Variants in WWP1 observed in about 807,000 individuals in gnomAD.
WWP1 encodes WW domain containing E3 ubiquitin protein ligase 1.
WWP1 carries 49 observed loss-of-function variants against 130.6 expected under a neutral mutation model. That is an observed-to-expected ratio of 0.38 (90% confidence interval 0.30 to 0.48). The LOEUF (loss-of-function observed/expected upper bound fraction) is 0.48. WWP1 is among the 20% of genes least tolerant of loss of function. WWP1 has a pLI of 0.99. For synonymous variants in WWP1, 332 were observed against 367.8 expected, an observed-to-expected ratio of 0.90 and a Z score of 1.11; for missense variants, 809 against 1,100.6, an observed-to-expected ratio of 0.74 and a Z score of 3.75.
intron 1 of WWP1, among the ~76,000 whole-genome samples, chr8:86,357,718 G>T (rs1823343214): frequency 6.6e-6 from 1 of 152,136 alleles, no homozygotes. Flanking sequence ...TTTTGTGTTA[G>T]GCATCATGCA....
intron 18 of WWP1, among the ~76,000 whole-genome samples, chr8:86,445,332 G>C (rs1397345264): frequency 1.3e-5 from 2 of 152,014 alleles, no homozygotes; most frequent in African/African-American, 4.8e-5. Context: ...TTCAACCCTT[G>C]CCTTCCTCCC....
rs531303049 is a variant in WWP1 at position 86,409,028 on chromosome 8, T to TA, written c.725-2503dup. ...AATTAATTGGTTCTAATGGGGTTTT[T>TA]AAAAAAATTTTCTTGTGTATTCTAA... On this transcript the variant is annotated intron_variant, in intron 8 of 24. Coordinates refer to ENST00000517970, the MANE Select transcript of WWP1 (RefSeq NM_007013.4). 1.3e-3 allele frequency among the ~76,000 whole-genome samples: 204 copies of TA among 152,170 alleles called. 2 individuals carry two copies. The highest frequency in any genetic ancestry group is 4.7e-3 in the African/African-American group (196 of 41,532).
intron 3 of WWP1, among the ~76,000 whole-genome samples, chr8:86,377,088 A>AT (rs144271667): frequency 0.054 from 8,237 of 151,594 alleles, 315 homozygotes; most frequent in Non-Finnish European, 0.086. Flanking sequence ...CTCTGTATTG[A>AT]TTTTTTCTTT....
chr8:86,466,116 C>T (rs1286995546), intron 24 of WWP1, among the ~76,000 whole-genome samples: 1 of 152,198 alleles, frequency 6.6e-6, no homozygotes, highest in South Asian at 2.1e-4. Context: ...AATCTAGCTA[C>T]TCAGTGCTGT....
chr8:86,380,885 A>T (rs1159639248), intron 4 of WWP1, 21 bp downstream of exon 4: 4 of 1,557,728 alleles, frequency 2.6e-6, no homozygotes, highest in Non-Finnish European at 3.5e-6. Context: ...TGTGTAAAGG[A>T]CGGAAAATCT....
chr8:86,458,339 G>T (rs1811570402), intron 22 of WWP1, among the ~76,000 whole-genome samples: 1 of 152,160 alleles, frequency 6.6e-6, no homozygotes, highest in Non-Finnish European at 1.5e-5. Context: ...AATTCTAGAA[G>T]TAAATGAGGA....
intron 21 of WWP1, among the ~76,000 whole-genome samples, chr8:86,456,325 C>G (rs1480764822): frequency 6.6e-6 from 1 of 151,856 alleles, no homozygotes; most frequent in African/African-American, 2.4e-5. Flanking sequence ...AAAAAGCAAC[C>G]TACACCCTGG....
At chr8:86,389,136 A>G (rs1385149378) in intron 5 of WWP1, among the ~76,000 whole-genome samples, 3 of 152,024 alleles carry the variant, frequency 2.0e-5, no homozygotes, top group Admixed American at 1.3e-4. Context: ...CATACAAAAC[A>G]TATAAAGAAT....
chr8:86,452,779 A>C (rs1218955797), intron 21 of WWP1, 100 bp downstream of exon 21: 1 of 1,440,658 alleles, frequency 6.9e-7, no homozygotes, highest in Non-Finnish European at 9.5e-7. Context: ...AAAATCCTGT[A>C]GCACAATCTT....
intron 8 of WWP1, among the ~76,000 whole-genome samples, chr8:86,410,891 A>G (rs1808545241): frequency 6.6e-6 from 1 of 152,032 alleles, no homozygotes; most frequent in Non-Finnish European, 1.5e-5. Flanking sequence ...ACTTTGATAT[A>G]TGGTCTTCCA....
chr8:86,371,864 C>G (rs1474176073), intron 2 of WWP1, among the ~76,000 whole-genome samples: 1 of 151,794 alleles, frequency 6.6e-6, no homozygotes, highest in Non-Finnish European at 1.5e-5. Flanking sequence ...TTTTTTGAAT[C>G]AGGGTCTTGC....
At chr8:86,383,337 C>T (rs113017464) in intron 5 of WWP1, among the ~76,000 whole-genome samples, 25 of 152,318 alleles carry the variant, frequency 1.6e-4, no homozygotes, top group African/African-American at 5.5e-4. Flanking sequence ...ATGTTAGACT[C>T]TACTGAACCT....
intron 22 of WWP1, among the ~76,000 whole-genome samples, chr8:86,459,151 C>A (rs1269069931): frequency 6.6e-6 from 1 of 151,192 alleles, no homozygotes; most frequent in Non-Finnish European, 1.5e-5. Flanking sequence ...CGCCTCAGCA[C>A]CCCCACTCCA....
intron 1 of WWP1, among the ~76,000 whole-genome samples, chr8:86,359,431 A>G (rs28504479): frequency 0.15 from 22,330 of 152,034 alleles, 1,789 homozygotes; most frequent in Non-Finnish European, 0.19. Context: ...GTCTGCCTCA[A>G]ATTCCTTACC....
At chr8:86,444,993 C>T (rs1810781988) in intron 18 of WWP1, among the ~76,000 whole-genome samples, 1 of 152,116 alleles carries the variant, frequency 6.6e-6, no homozygotes, top group Non-Finnish European at 1.5e-5. Flanking sequence ...CCAGCATCGT[C>T]TTCTGGTGAG....
intron 5 of WWP1, among the ~76,000 whole-genome samples, chr8:86,394,894 CGTT>C (rs377301366): frequency 3.5e-4 from 41 of 115,610 alleles, no homozygotes; most frequent in African/African-American, 1.3e-3. Flanking sequence ...ATCTTTGTGG[CGTT>C]GATGATTTTG....
intron 5 of WWP1, among the ~76,000 whole-genome samples, chr8:86,391,750 G>C (rs549215807): frequency 6.6e-6 from 1 of 152,174 alleles, no homozygotes; most frequent in Non-Finnish European, 1.5e-5. Context: ...ACAAAAGCTT[G>C]GTCAGTGTAA....
chr8:86,363,523 C>T (rs1412079156), intron 1 of WWP1, among the ~76,000 whole-genome samples: 2 of 151,838 alleles, frequency 1.3e-5, no homozygotes, highest in African/African-American at 2.4e-5. Context: ...GTCTATGGGC[C>T]GAGCATGGTG....
chr8:86,365,189 C>T (rs1023704502), intron 1 of WWP1, among the ~76,000 whole-genome samples: 5 of 152,038 alleles, frequency 3.3e-5, no homozygotes, highest in African/African-American at 4.8e-5. Flanking sequence ...TGGGTGATAA[C>T]GAATAGTAAG....
Sources: allele counts gnomAD v4.1 joint callset (sites outside exome capture counted in the v4.1 genomes callset), GRCh38; gene constraint gnomAD v4.1.1; transcripts MANE v1.5; gene names NCBI Gene and HGNC (gene_info 2026-07-23, HGNC 2026-07-21).